The following PARPBP variants were observed in gnomAD, a reference collection of about 807,000 sequenced individuals.
The protein encoded by PARPBP is PCNA-interacting partner.
PARPBP carries 52 observed loss-of-function variants against 50.0 expected under a neutral mutation model. The ratio of observed to expected loss-of-function variants is 1.04; its 90% CI spans 0.83 to 1.31. The LOEUF is 1.31. PARPBP is among the 50% of genes most tolerant of loss of function. The pLI is 0.00. For synonymous variants in PARPBP, 244 were observed against 232.1 expected, an observed-to-expected ratio of 1.05 and a Z score of -0.47; for missense variants, 697 against 672.0, an observed-to-expected ratio of 1.04 and a Z score of -0.41.
intron 6 of PARPBP, among the ~76,000 whole-genome samples, chr12:102,166,769 A>T (rs1032635549): frequency 2.6e-5 from 4 of 152,112 alleles, no homozygotes; most frequent in African/African-American, 4.8e-5. Context: ...TTCCATTCTA[A>T]GATTCTAAGA....
chr12:102,161,045 A>T (rs1271086511), intron 4 of PARPBP, among the ~76,000 whole-genome samples: 1 of 152,062 alleles, frequency 6.6e-6, no homozygotes, highest in Non-Finnish European at 1.5e-5. Context: ...TTTGGTTGTG[A>T]CTTAGAATAC....
At chr12:102,124,294 G>T (rs1343899123) in intron 2 of PARPBP, among the ~76,000 whole-genome samples, 1 of 152,176 alleles carries the variant, frequency 6.6e-6, no homozygotes, top group Non-Finnish European at 1.5e-5. Flanking sequence ...TTAATAGGAA[G>T]ATTTAGGATA....
intron 9 of PARPBP, among the ~76,000 whole-genome samples, chr12:102,184,079 G>C (rs1174959063): frequency 1.6e-5 from 2 of 128,514 alleles, no homozygotes; most frequent in East Asian, 4.6e-4. Context: ...AAGAATGTAA[G>C]ACATGACATA....
Position 102,196,913 on chromosome 12 carries a change from C to T in PARPBP, c.*622C>T. The T allele has an allele frequency of 2.1e-6, 3 of 1,414,180 alleles. No homozygotes were observed. Among genetic ancestry groups the T allele is most frequent in the South Asian group, 1.2e-5 (1 of 83,580 alleles). 87.6% of individuals were successfully genotyped at this position (1,414,180 alleles called of 1,614,324 possible). ...ATGATTGCATCCAAATTCACTTTAA[C>T]TCAGAGTTCTGTTTAATGGTGGTAG... On this transcript the variant is annotated 3_prime_UTR_variant, in exon 11 of 11. Coordinates refer to ENST00000327680, the MANE Select transcript of PARPBP (RefSeq NM_017915.5).
At chr12:102,156,272 C>T (rs185929584) in intron 4 of PARPBP, among the ~76,000 whole-genome samples, 348 of 142,998 alleles carry the variant, frequency 2.4e-3, no homozygotes, top group Admixed American at 5.3e-3. Flanking sequence ...TTGGAAGCTC[C>T]GCCTCCCGTG....
chr12:102,124,845 A>G (rs1376293694), intron 2 of PARPBP, among the ~76,000 whole-genome samples: 1 of 152,206 alleles, frequency 6.6e-6, no homozygotes, highest in Non-Finnish European at 1.5e-5. Context: ...GATTCCATAG[A>G]CAGTAAAATT....
At chr12:102,156,175 C>CTTTT (rs1565879054) in intron 4 of PARPBP, among the ~76,000 whole-genome samples, 4 of 90,192 alleles carry the variant, frequency 4.4e-5, no homozygotes, top group Non-Finnish European at 6.6e-5. Context: ...AATTAACCTT[C>CTTTT]CTTTTTTTTT....
intron 9 of PARPBP, among the ~76,000 whole-genome samples, chr12:102,191,048 G>T (rs1398010374): frequency 1.3e-5 from 2 of 152,068 alleles, no homozygotes; most frequent in Non-Finnish European, 1.5e-5. Flanking sequence ...TGAAATAATG[G>T]GATCAGGATT....
rs889065425 is a variant in PARPBP, at chr12:102,195,229, T to C, written c.1264-83T>C. 1.4e-5 allele frequency: 11 copies of C among 774,616 alleles called. No homozygotes were observed. In the Admixed American group the frequency reaches 1.7e-4, roughly 12 times the overall value. 48.0% of individuals were successfully genotyped at this position (774,616 alleles called of 1,614,324 possible). On this transcript the variant is annotated intron_variant, in intron 9 of 10. Coordinates refer to ENST00000327680, the MANE Select transcript of PARPBP (RefSeq NM_017915.5). ...CTAAGGGAAATTTTTATACCTTGAT[T>C]ACTATAGAGTGTGTGTCTATCTAGA...
chr12:102,139,322 G>A (rs1884180027), intron 2 of PARPBP, among the ~76,000 whole-genome samples: 1 of 152,154 alleles, frequency 6.6e-6, no homozygotes, highest in African/African-American at 2.4e-5. Flanking sequence ...TGTGAGTTTT[G>A]CACATTGATT....
intron 2 of PARPBP, among the ~76,000 whole-genome samples, chr12:102,143,558 G>A (rs572099599): frequency 9.8e-5 from 15 of 152,294 alleles, no homozygotes; most frequent in East Asian, 7.7e-4. Flanking sequence ...CATCTTCTGC[G>A]TCGCTCATAC....
rs1017514123 is a variant in PARPBP at position 102,196,775 on chromosome 12, T to A, written c.*484T>A. On this transcript the variant is annotated 3_prime_UTR_variant, in exon 11 of 11. Transcript: ENST00000327680. ...ACAAAATTTATTAAGAAAAAAAGAA[T>A]GGATCTAGTATAACTAATTCTGAGT... The A allele has an allele frequency of 4.1e-6, 5 of 1,232,252 alleles. No homozygotes were observed. Among genetic ancestry groups the A allele is most frequent in the African/African-American group, 1.5e-5 (1 of 66,930 alleles). The allele number at this position is 1,232,252 out of a possible 1,614,324, so 76.3% of individuals were successfully genotyped here. A position where few individuals can be genotyped will look rare whatever the true frequency, so the allele number is the denominator to read the frequency against.
At position 102,171,762 on chromosome 12, in the gene PARPBP, G is replaced by A. The variant is rs537023586; in HGVS notation, c.822-3721G>A. 4.1e-3 allele frequency among the ~76,000 whole-genome samples: 628 copies of A among 151,960 alleles called. 4 individuals are homozygous for A. Among genetic ancestry groups the A allele is most frequent in the Non-Finnish European group, 5.2e-3 (351 of 67,928 alleles). On this transcript the variant is annotated intron_variant, in intron 6 of 10. Coordinates refer to ENST00000327680, the MANE Select transcript of PARPBP (RefSeq NM_017915.5). ...CGGGCGCCTGTAGTCCCAGCTACTCGGGAGGCTGAGGCAGGAGAATGGCGT... is the reference window on the plus strand; with the variant it reads ...CGGGCGCCTGTAGTCCCAGCTACTCAGGAGGCTGAGGCAGGAGAATGGCGT...
intron 4 of PARPBP, among the ~76,000 whole-genome samples, chr12:102,156,706 A>G (rs186689086): frequency 6.6e-6 from 1 of 152,122 alleles, no homozygotes; most frequent in Admixed American, 6.5e-5. Context: ...GTGTGGCACG[A>G]TCTCCACTTA....
In PARPBP at chr12:102,178,696, A is replaced by G. The variant is rs2136809433; in HGVS notation, c.1110A>G (p.Lys370=). The G allele has an allele frequency of 6.2e-7, 1 of 1,613,758 alleles. No individual in the cohort carries two copies. Among genetic ancestry groups the G allele is most frequent in the Non-Finnish European group, 8.5e-7 (1 of 1,179,774 alleles). ...AAGAAGCAGCTAATGCTCCTACCAA[A>G]AACAAAGCAGAGCTTTTATATGATG... ...LDEEAANAPT[K]NKAELLYDEE... Residue 370 remains lysine (K), a synonymous_variant, in exon 8 of 11, where the codon AAA becomes AAG. Transcript: ENST00000327680.
chr12:102,153,358 T>A (rs1316187828), intron 3 of PARPBP, among the ~76,000 whole-genome samples: 2 of 152,188 alleles, frequency 1.3e-5, no homozygotes, highest in African/African-American at 4.8e-5. Flanking sequence ...TATTAAACTC[T>A]TTTTTGAGAC....
At position 102,165,735 on chromosome 12, in the gene PARPBP, A is replaced by G; in HGVS notation, c.673A>G (p.Thr225Ala). ...CGTTTGTTTTAATTCATAGGTGGCC[A>G]CGTCTTTTATTAGAACAATAGAGCT... ...EKQMSIFLVATSFIRTIELGG... is the reference protein window; with the variant it reads ...EKQMSIFLVAASFIRTIELGG... The change falls in exon 6 of 11, where the codon ACG becomes GCG. Residue 225 changes from threonine (T) to alanine (A), a missense_variant. Physicochemically the swap from Thr to Ala is moderately conservative, Grantham distance 58. Coordinates refer to ENST00000327680, the MANE Select transcript of PARPBP (RefSeq NM_017915.5). 1 of 1,603,566 alleles carries G rather than the reference A, an allele frequency of 6.2e-7. No homozygotes were observed. Among genetic ancestry groups the G allele is most frequent in the South Asian group, 1.1e-5 (1 of 88,228 alleles).
intron 8 of PARPBP, among the ~76,000 whole-genome samples, chr12:102,180,103 T>C (rs370729162): frequency 3.4e-4 from 52 of 152,320 alleles, no homozygotes; most frequent in African/African-American, 1.0e-3. Context: ...GACTATTCTT[T>C]TATATCTGGA....
intron 2 of PARPBP, among the ~76,000 whole-genome samples, chr12:102,135,039 TGGTAC>T (rs1883410092): frequency 6.6e-6 from 1 of 152,158 alleles, no homozygotes; most frequent in Admixed American, 6.5e-5. Flanking sequence ...TAAATTTTGT[TGGTAC>T]TGTAAGGGAG....
Sources: gnomAD v4.1 joint callset for allele counts (sites outside exome capture counted in the v4.1 genomes callset) on GRCh38, gnomAD v4.1.1 for gene constraint, MANE v1.5 for transcripts, NCBI Gene and HGNC (gene_info 2026-07-23, HGNC 2026-07-21) for gene names.